The following MTDH variants were observed in gnomAD, a reference collection of about 807,000 sequenced individuals.
The protein encoded by MTDH is metadherin.
MTDH carries 34 observed loss-of-function variants against 72.7 expected under a neutral mutation model. The observed-to-expected ratio is 0.47, with a 90% CI of 0.36 to 0.62. The LOEUF (loss-of-function observed/expected upper bound fraction) is 0.62, where lower values mean the gene tolerates loss of function less well. MTDH is among the 20% of genes least tolerant of loss of function. MTDH has a pLI of 0.00. For missense variants in MTDH, 677 were observed against 699.4 expected, an observed-to-expected ratio of 0.97 and a Z score of 0.36; for synonymous variants, 266 against 268.9, an observed-to-expected ratio of 0.99 and a Z score of 0.10.
At chr8:97,677,250 T>C (rs1812891607) in intron 2 of MTDH, among the ~76,000 whole-genome samples, 1 of 140,340 alleles carries the variant, frequency 7.1e-6, no homozygotes, top group Admixed American at 7.3e-5. Flanking sequence ...TCCCAGCACG[T>C]TGGGAGGCCG....
chr8:97,690,822 C>A (rs1042707378), intron 5 of MTDH, 130 bp from the exon 6 acceptor site: 4 of 663,560 alleles, frequency 6.0e-6, no homozygotes, highest in African/African-American at 3.6e-5. Flanking sequence ...TTAAGGCAAT[C>A]CTTGGTGATC....
intron 11 of MTDH, among the ~76,000 whole-genome samples, chr8:97,723,699 T>C (rs1270115395): frequency 6.6e-5 from 10 of 150,524 alleles, no homozygotes; most frequent in Non-Finnish European, 7.4e-5. Flanking sequence ...GCCGAGATCA[T>C]GCCACTGCAC....
rs960216931 is a variant in MTDH at position 97,729,473 on chromosome 8, A to G, written c.*4803A>G. Among the ~76,000 whole-genome samples, 2 of 152,124 alleles carry G rather than the reference A, an allele frequency of 1.3e-5. No individual in the cohort carries two copies. Among genetic ancestry groups the G allele is most frequent in the Non-Finnish European group, 2.9e-5 (2 of 68,036 alleles). On this transcript the variant is annotated 3_prime_UTR_variant, in exon 12 of 12. Transcript: ENST00000336273. ...ATTAACATTTTGAGATTCTGTTAGG[A>G]AGATGAGAATTGGATAATGGGCACC...
chr8:97,647,722 A>G (rs1012594937), intron 1 of MTDH, among the ~76,000 whole-genome samples: 2 of 152,182 alleles, frequency 1.3e-5, no homozygotes, highest in African/African-American at 4.8e-5. Flanking sequence ...TTGAGTTAAA[A>G]CACTGCAGTA....
chr8:97,700,576 A>G (rs1007177191), intron 7 of MTDH, among the ~76,000 whole-genome samples: 9 of 152,190 alleles, frequency 5.9e-5, no homozygotes, highest in Non-Finnish European at 1.2e-4. Flanking sequence ...GCCTTTATAC[A>G]TAGGTGTTCG....
intron 6 of MTDH, among the ~76,000 whole-genome samples, chr8:97,697,529 G>T (rs375067394): frequency 6.6e-6 from 1 of 151,536 alleles, no homozygotes; most frequent in Non-Finnish European, 1.5e-5. Context: ...GGTACTGCAG[G>T]CACGTGCCAC....
At chr8:97,702,416 A>G (rs551007658) in intron 7 of MTDH, among the ~76,000 whole-genome samples, 126 of 152,288 alleles carry the variant, frequency 8.3e-4, no homozygotes, top group Non-Finnish European at 9.6e-4. Context: ...CTCTGTAAAA[A>G]TAACAATTCC....
At chr8:97,675,603 G>T (rs971169308) in intron 2 of MTDH, among the ~76,000 whole-genome samples, 3 of 149,462 alleles carry the variant, frequency 2.0e-5, no homozygotes, top group African/African-American at 7.4e-5. Context: ...CAGGCAAAGG[G>T]GACTCATACC....
At chr8:97,690,508 C>T (rs904095819) in intron 5 of MTDH, among the ~76,000 whole-genome samples, 1 of 152,186 alleles carries the variant, frequency 6.6e-6, no homozygotes, top group Non-Finnish European at 1.5e-5. Context: ...GATACCTGGG[C>T]TCCACCACAA....
At position 97,730,091 on chromosome 8, in the gene MTDH, G is replaced by A. The variant is rs1410147372; in HGVS notation, c.*5421G>A. ...TTACAGTACTGAAGCTTGTGAATAC[G>A]TTAATTGAGAAAACTTTAAGCAGGT... On this transcript the variant is annotated 3_prime_UTR_variant, in exon 12 of 12. Coordinates refer to ENST00000336273, the MANE Select transcript of MTDH (RefSeq NM_178812.4). Among the ~76,000 whole-genome samples the A allele has an allele frequency of 2.0e-5, 3 of 152,158 alleles. No individual in the cohort carries two copies. The highest frequency in any genetic ancestry group is 3.8e-4 in the East Asian group (2 of 5,198).
intron 11 of MTDH, among the ~76,000 whole-genome samples, chr8:97,723,632 A>G (rs1321947514): frequency 2.0e-5 from 3 of 148,528 alleles, no homozygotes; most frequent in East Asian, 2.0e-4. Context: ...AGTCCCAGCT[A>G]CTCGGGAGGC....
chr8:97,713,362 G>A (rs1029832704), intron 8 of MTDH, among the ~76,000 whole-genome samples: 1 of 152,140 alleles, frequency 6.6e-6, no homozygotes, highest in African/African-American at 2.4e-5. Context: ...TGGGATTACA[G>A]GCATGAACCA....
intron 8 of MTDH, among the ~76,000 whole-genome samples, chr8:97,711,453 G>A (rs1301427766): frequency 1.3e-5 from 2 of 151,816 alleles, no homozygotes; most frequent in East Asian, 3.9e-4. Flanking sequence ...CTGTACTCCA[G>A]CCTGAGCAAC....
chr8:97,675,469 A>G, intron 2 of MTDH, among the ~76,000 whole-genome samples: 1 of 151,882 alleles, frequency 6.6e-6, no homozygotes, highest in Non-Finnish European at 1.5e-5. Flanking sequence ...GCTGAGGCAC[A>G]AGATTGCTTG....
At chr8:97,709,942 G>A (rs996588457) in intron 8 of MTDH, among the ~76,000 whole-genome samples, 13 of 152,152 alleles carry the variant, frequency 8.5e-5, no homozygotes, top group African/African-American at 1.7e-4. Flanking sequence ...GTATTTTGCC[G>A]TGGGAAACTA....
In MTDH at chr8:97,725,022, G is replaced by C. The variant is rs1180065844; in HGVS notation, c.*352G>C. The stretch of plus-strand genomic sequence containing the variant: ...GAATAAAGGATTCTGATTAGAAAGA[G>C]GGTTGCCTACAGATTAGTAAGCAAT... On this transcript the variant is annotated 3_prime_UTR_variant, in exon 12 of 12. Transcript: ENST00000336273. The C allele has an allele frequency of 6.1e-6, 1 of 163,066 alleles. No homozygotes were observed. Among genetic ancestry groups the C allele is most frequent in the African/African-American group, 2.4e-5 (1 of 41,706 alleles). The allele number at this position is 163,066 out of a possible 1,614,324, so 10.1% of individuals were successfully genotyped here. A position where few individuals can be genotyped will look rare whatever the true frequency, so the allele number is the denominator to read the frequency against.
chr8:97,659,617 A>ATG (rs1447841498), intron 1 of MTDH, among the ~76,000 whole-genome samples: 1 of 152,234 alleles, frequency 6.6e-6, no homozygotes, highest in East Asian at 1.9e-4. Context: ...AACTTGGAAC[A>ATG]CTTTGTATTG....
chr8:97,692,069 C>A (rs573022297), intron 6 of MTDH, among the ~76,000 whole-genome samples: 1 of 152,044 alleles, frequency 6.6e-6, no homozygotes, highest in South Asian at 2.1e-4. Flanking sequence ...TTAGTAGGGA[C>A]GGGGTTTTGC....
At chr8:97,674,326 G>T (rs578052881) in intron 2 of MTDH, among the ~76,000 whole-genome samples, 1 of 152,204 alleles carries the variant, frequency 6.6e-6, no homozygotes, top group Non-Finnish European at 1.5e-5. Flanking sequence ...CCCACCAAAA[G>T]GGGGGAAATC....
Sources: allele counts gnomAD v4.1 joint callset (sites outside exome capture counted in the v4.1 genomes callset), GRCh38; gene constraint gnomAD v4.1.1; transcripts MANE v1.5; gene names NCBI Gene and HGNC (gene_info 2026-07-23, HGNC 2026-07-21).